CFAP251: variants seen among roughly 807,000 people sequenced by gnomAD.
CFAP251 encodes the protein cilia and flagella associated protein 251, also known as cilia- and flagella-associated protein 251.
Under a neutral mutation model 126.7 loss-of-function variants are expected in CFAP251, and 93 were observed. The observed-to-expected ratio is 0.73, with a 90% CI of 0.62 to 0.87. The LOEUF is 0.87. Ranked by LOEUF, CFAP251 falls within the 40% of genes least tolerant of loss-of-function variation. The pLI is 0.00. For synonymous variants in CFAP251, 503 were observed against 506.9 expected (o/e 0.99, Z 0.10); for missense variants, 1,287 against 1,389.2 (o/e 0.93, Z 1.17).
rs763884439 is a variant in CFAP251, at chr12:121,954,239, A to G, written c.1440A>G (p.Ser480=). 4 of 1,614,106 alleles carry G rather than the reference A, an allele frequency of 2.5e-6. No individual in the cohort carries two copies. Among genetic ancestry groups the G allele is most frequent in the Non-Finnish European group, 3.4e-6 (4 of 1,180,038 alleles). The part of the protein sequence containing the change: ...LVVWDIHRPP[S]SASTFLGFPY... ...TCTGGGACATACACCGCCCACCCTCATCTGCCTCCACCTTTTTGGGCTTTC... is the reference window on the plus strand; with the variant it reads ...TCTGGGACATACACCGCCCACCCTCGTCTGCCTCCACCTTTTTGGGCTTTC... The change falls in exon 10 of 22, where the codon TCA becomes TCG. Residue 480 remains serine (S), a synonymous_variant. Coordinates refer to ENST00000288912, the MANE Select transcript of CFAP251 (RefSeq NM_144668.6).
intron 19 of CFAP251, among the ~76,000 whole-genome samples, chr12:121,986,351 G>T (rs1019217079): frequency 3.4e-5 from 5 of 147,898 alleles, no homozygotes; most frequent in African/African-American, 1.3e-4. Context: ...AGGCTGCAGC[G>T]CAGTGGCACG....
intron 4 of CFAP251, chr12:121,933,148 T>C (rs1182442967): frequency 6.6e-6 from 1 of 152,238 alleles, no homozygotes; most frequent in Non-Finnish European, 1.5e-5. Context: ...ACATAAATGA[T>C]TACAAATTGT....
rs830116 is a variant in CFAP251 at position 121,974,926 on chromosome 12, A to G, written c.2772-318A>G. 0.88 allele frequency among the ~76,000 whole-genome samples: 133,736 copies of G among 152,136 alleles called. 58,953 individuals are homozygous for G. The highest frequency in any genetic ancestry group is 0.95 in the African/African-American group (39,274 of 41,522). On this transcript the variant is annotated intron_variant, in intron 17 of 21. Transcript: ENST00000288912. The surrounding 1 kb of genome is among the most constrained non-coding windows in gnomAD (Gnocchi z 4.6). Reference sequence around the variant, plus strand: ...TGGGAGGATTGTGGTTTCAGAACACAGGATGCCTCCCCCACCCCCAGGAGA... The same window carrying G: ...TGGGAGGATTGTGGTTTCAGAACACGGGATGCCTCCCCCACCCCCAGGAGA...
intron 19 of CFAP251, among the ~76,000 whole-genome samples, chr12:121,978,271 A>G (rs553974078): frequency 2.5e-3 from 364 of 148,346 alleles, no homozygotes; most frequent in Middle Eastern, 0.011. Flanking sequence ...GCGGGTGCCT[A>G]TAGTCCCAGC....
intron 5 of CFAP251, 108 bp from the exon 6 acceptor site, chr12:121,942,426 T>G: frequency 1.5e-6 from 1 of 656,342 alleles, no homozygotes; most frequent in Non-Finnish European, 2.7e-6. Context: ...ATAGACCACA[T>G]TTTGTTCTGT....
chr12:121,940,126 A>G (rs1038458500), intron 5 of CFAP251, among the ~76,000 whole-genome samples: 1 of 152,240 alleles, frequency 6.6e-6, no homozygotes, highest in Non-Finnish European at 1.5e-5. Context: ...AATCAACTAT[A>G]TATTTTAAAT....
At chr12:121,942,784 T>C in intron 6 of CFAP251, 111 bp from the exon 7 acceptor site, 1 of 1,302,066 alleles carries the variant, frequency 7.7e-7, no homozygotes, top group African/African-American at 1.4e-5. Context: ...GCACAGAGTC[T>C]GGGCCTCTGT....
intron 11 of CFAP251, among the ~76,000 whole-genome samples, chr12:121,957,970 T>C (rs1881786844): frequency 6.6e-6 from 1 of 152,214 alleles, no homozygotes; most frequent in African/African-American, 2.4e-5. Context: ...CACATCTGTA[T>C]GTGTGCACCA....
intron 19 of CFAP251, among the ~76,000 whole-genome samples, chr12:121,980,169 C>A (rs1882584444): frequency 6.6e-6 from 1 of 152,230 alleles, no homozygotes. Context: ...TCAGGTTGGC[C>A]AGGCGTGGGC....
chr12:121,932,025 T>A (rs2135753423), intron 4 of CFAP251, 139 bp downstream of exon 4: 1 of 812,476 alleles, frequency 1.2e-6, no homozygotes, highest in Middle Eastern at 3.4e-4. Flanking sequence ...AGCAAGCCTG[T>A]CTTTAGAAAC....
rs76350886 is a variant in CFAP251, at chr12:121,968,530, G to T, written c.2771+361G>T. 1.4e-3 allele frequency among the ~76,000 whole-genome samples: 193 copies of T among 134,296 alleles called. 4 individuals are homozygous for T. The East Asian group carries it at 0.035, about 24-fold the overall frequency. The allele number at this position is 134,296 out of a possible 152,430, so 88.1% of individuals were successfully genotyped here. ...AGGATCATTTCAAGTGGTATTTTCG[G>T]CTCCTCTTCTCACCCTCCCTGCCCT... is the stretch of plus-strand genomic sequence containing the variant. On this transcript the variant is annotated intron_variant, in intron 17 of 21. Transcript: ENST00000288912.
At chr12:121,961,134 G>A (rs1170711434) in intron 14 of CFAP251, among the ~76,000 whole-genome samples, 2 of 152,250 alleles carry the variant, frequency 1.3e-5, no homozygotes, top group Non-Finnish European at 2.9e-5. Context: ...TGAAAACTAG[G>A]AGAGGTTGTG....
At chr12:121,991,412 G>A (rs1042813806) in intron 19 of CFAP251, among the ~76,000 whole-genome samples, 1 of 152,204 alleles carries the variant, frequency 6.6e-6, no homozygotes, top group African/African-American at 2.4e-5. Flanking sequence ...TCACCTCCGT[G>A]AACCCCTGTG....
chr12:121,960,855 GTGTT>G (rs1331239054), intron 14 of CFAP251, 97 bp downstream of exon 14: 1 of 1,387,936 alleles, frequency 7.2e-7, no homozygotes, highest in Non-Finnish European at 9.9e-7. Context: ...CACAGTACGT[GTGTT>G]TGTTGGAGAA....
chr12:121,944,523 C>A (rs563453142), intron 7 of CFAP251, among the ~76,000 whole-genome samples: 2 of 152,230 alleles, frequency 1.3e-5, no homozygotes, highest in East Asian at 1.9e-4. Context: ...GCATGGGATG[C>A]CTTGCCGTTT....
rs1021792497 is a variant in CFAP251 at position 121,974,062 on chromosome 12, G to A, written c.2772-1182G>A. Among the ~76,000 whole-genome samples, 1 of 152,180 alleles carries A rather than the reference G, an allele frequency of 6.6e-6. No homozygotes were observed. Among genetic ancestry groups the A allele is most frequent in the Non-Finnish European group, 1.5e-5 (1 of 68,038 alleles). Reference sequence around the variant, plus strand: ...AATTGTACTCCCATAATTCCCATGTGTTGTGGGAGGGACCTGGTGGGAGAT... The same window carrying A: ...AATTGTACTCCCATAATTCCCATGTATTGTGGGAGGGACCTGGTGGGAGAT... On this transcript the variant is annotated intron_variant, in intron 17 of 21. Coordinates refer to ENST00000288912, the MANE Select transcript of CFAP251 (RefSeq NM_144668.6). This position sits in a 1 kb window ranked among gnomAD's most constrained non-coding sequence, Gnocchi z 4.6.
At chr12:121,990,491 C>T (rs1882851996) in intron 19 of CFAP251, among the ~76,000 whole-genome samples, 1 of 152,158 alleles carries the variant, frequency 6.6e-6, no homozygotes, top group Non-Finnish European at 1.5e-5. Flanking sequence ...ACCTCCTCTG[C>T]ACCCTCCTCC....
At chr12:121,969,662 AATT>A (rs1449358320) in intron 17 of CFAP251, 1 of 866,456 alleles carries the variant, frequency 1.2e-6, no homozygotes, top group East Asian at 1.2e-4. Flanking sequence ...ACTTTAAAAA[AATT>A]TTTTTTGTCG....
intron 17 of CFAP251, chr12:121,971,574 G>A (rs759325385): frequency 2.8e-6 from 2 of 702,774 alleles, no homozygotes. Context: ...TGGGAGCCAG[G>A]CACCAATATT....
Sources: allele counts gnomAD v4.1 joint callset (sites outside exome capture counted in the v4.1 genomes callset), GRCh38; gene constraint gnomAD v4.1.1; non-coding constraint Gnocchi (gnomAD v3.1); transcripts MANE v1.5; gene names NCBI Gene and HGNC (gene_info 2026-07-23, HGNC 2026-07-21).